Variants in PRKAR1B observed in about 807,000 individuals in gnomAD.
PRKAR1B encodes protein kinase cAMP-dependent type I regulatory subunit beta.
A neutral mutation model predicts 46.5 loss-of-function variants in PRKAR1B; 22 were observed. That is an observed-to-expected ratio of 0.47 (90% CI 0.34 to 0.68). The LOEUF (loss-of-function observed/expected upper bound fraction) is 0.68. Ranked by LOEUF, PRKAR1B falls within the 30% of genes least tolerant of loss-of-function variation. PRKAR1B has a pLI of 0.01. For synonymous variants in PRKAR1B, 259 were observed against 217.7 expected (o/e 1.19, Z -1.67); for missense variants, 445 against 535.6 (o/e 0.83, Z 1.67).
intron 2 of PRKAR1B, among the ~76,000 whole-genome samples, chr7:683,378 G>T (rs1202500307): frequency 6.6e-6 from 1 of 152,104 alleles, no homozygotes; most frequent in Non-Finnish European, 1.5e-5. Context: ...CTGAGAATTG[G>T]CCATTTAAAG....
chr7:561,125 GCA>G (rs1243563191), intron 9 of PRKAR1B, among the ~76,000 whole-genome samples: 2 of 147,516 alleles, frequency 1.4e-5, no homozygotes, highest in Non-Finnish European at 3.0e-5. Flanking sequence ...CCACACACAG[GCA>G]CACAAACACA....
intron 2 of PRKAR1B, among the ~76,000 whole-genome samples, chr7:709,327 GTGTGTGTATGCA>G (rs1291986637): frequency 2.0e-4 from 30 of 150,942 alleles, no homozygotes; most frequent in African/African-American, 4.4e-4. Context: ...ATGTATGTAT[GTGTGTGTATGCA>G]TGTGTGTATG....
intron 3 of PRKAR1B, 30 bp from the exon 4 acceptor site, chr7:677,350 A>G: frequency 1.2e-6 from 2 of 1,602,378 alleles, no homozygotes; most frequent in Non-Finnish European, 1.7e-6. Flanking sequence ...TCACCGTGTG[A>G]GCCACCCTGG....
intron 6 of PRKAR1B, among the ~76,000 whole-genome samples, chr7:599,715 C>T (rs574178081): frequency 2.0e-5 from 3 of 152,386 alleles, no homozygotes; most frequent in East Asian, 3.9e-4. Flanking sequence ...CACCTTCACT[C>T]GCTCACCCTC....
chr7:627,031 C>A (rs957620842), intron 4 of PRKAR1B, among the ~76,000 whole-genome samples: 1 of 152,176 alleles, frequency 6.6e-6, no homozygotes, highest in East Asian at 1.9e-4. Context: ...CCCGCCACCA[C>A]GCCCAACTAC....
chr7:727,205 C>G lies in PRKAR1B; in HGVS notation c.-23+5G>C. ...GACCTGTGCGGCGCCGCGCTCGCGC[C>G]CCACCTGGACGACGCTCTGCGCGCG... On this transcript the variant is annotated splice_donor_5th_base_variant and intron_variant, in intron 1 of 10. Coordinates refer to ENST00000537384, the MANE Select transcript of PRKAR1B (RefSeq NM_001164760.2). 7.4e-7 allele frequency: 1 copy of G among 1,348,582 alleles called. No homozygotes were observed. The highest frequency in any genetic ancestry group is 9.5e-7 in the Non-Finnish European group (1 of 1,048,252). The allele number at this position is 1,348,582 out of a possible 1,614,324, so 83.5% of individuals were successfully genotyped here.
chr7:600,929 C>T (rs1042452663), intron 6 of PRKAR1B, among the ~76,000 whole-genome samples: 1 of 152,218 alleles, frequency 6.6e-6, no homozygotes, highest in Non-Finnish European at 1.5e-5. Flanking sequence ...TGGCAACACA[C>T]GGACGGCAGC....
chr7:705,107 C>T (rs1356898884), intron 2 of PRKAR1B, among the ~76,000 whole-genome samples: 1 of 151,974 alleles, frequency 6.6e-6, no homozygotes, highest in African/African-American at 2.4e-5. Flanking sequence ...ACCTGGCCAA[C>T]ATGGTGAAAC....
At chr7:679,333 G>A (rs1778525514) in intron 3 of PRKAR1B, among the ~76,000 whole-genome samples, 2 of 152,136 alleles carry the variant, frequency 1.3e-5, no homozygotes, top group Non-Finnish European at 2.9e-5. Context: ...CTCCCCCGTG[G>A]CCTCCGGTCT....
At chr7:684,394 C>T (rs1427244715) in intron 2 of PRKAR1B, among the ~76,000 whole-genome samples, 1 of 152,206 alleles carries the variant, frequency 6.6e-6, no homozygotes, top group African/African-American at 2.4e-5. Flanking sequence ...TTCCCTCTAG[C>T]GACCTCTCGA....
At chr7:561,039 T>C (rs950333213) in intron 9 of PRKAR1B, among the ~76,000 whole-genome samples, 12 of 150,664 alleles carry the variant, frequency 8.0e-5, no homozygotes, top group Non-Finnish European at 1.3e-4. Flanking sequence ...CACACACACA[T>C]ACACACAGAT....
chr7:645,898 G>T (rs1034616476), intron 4 of PRKAR1B, among the ~76,000 whole-genome samples: 2 of 152,192 alleles, frequency 1.3e-5, no homozygotes, highest in Admixed American at 1.3e-4. Context: ...CCCCGATCTG[G>T]TCCCTGTTTT....
rs535537060 is a variant in PRKAR1B, at chr7:551,386, C to T, written c.973+3G>A. ...CGAGGGAGGGGACGCCCACTGGACT[C>T]ACCGAAGTAGTCAGAGGGTCCCAGG... On this transcript the variant is annotated splice_donor_region_variant and intron_variant, in intron 10 of 10. Coordinates refer to ENST00000537384, the MANE Select transcript of PRKAR1B (RefSeq NM_001164760.2). 2 of 1,555,424 alleles carry T rather than the reference C, an allele frequency of 1.3e-6. No individual in the cohort carries two copies. Among genetic ancestry groups the T allele is most frequent in the East Asian group, 2.4e-5 (1 of 42,102 alleles).
chr7:589,945 C>G (rs1353604846), intron 7 of PRKAR1B, among the ~76,000 whole-genome samples: 1 of 152,256 alleles, frequency 6.6e-6, no homozygotes, highest in Admixed American at 6.5e-5. Context: ...GCCCACGGCC[C>G]TGTGAGGGTC....
intron 9 of PRKAR1B, among the ~76,000 whole-genome samples, chr7:567,892 G>A (rs189233878): frequency 6.6e-6 from 1 of 152,190 alleles, no homozygotes; most frequent in Admixed American, 6.5e-5. Context: ...GGGGTGGGGA[G>A]TGTGTGTTTG....
intron 4 of PRKAR1B, among the ~76,000 whole-genome samples, chr7:656,899 G>T (rs1583367060): frequency 6.6e-6 from 1 of 150,554 alleles, no homozygotes. Flanking sequence ...ATGAGTGAAT[G>T]CATGGATGGA....
intron 9 of PRKAR1B, among the ~76,000 whole-genome samples, chr7:574,661 C>T (rs1434428957): frequency 6.6e-6 from 1 of 152,226 alleles, no homozygotes; most frequent in African/African-American, 2.4e-5. Context: ...CCAGGCTGAT[C>T]TTGAAGTCCT....
chr7:711,304 G>T (rs774291064), intron 2 of PRKAR1B, 25 bp downstream of exon 2: 1 of 1,613,100 alleles, frequency 6.2e-7, no homozygotes, highest in South Asian at 1.1e-5. Context: ...GCGAAGGGAA[G>T]CAGCGGGCGG....
chr7:651,841 G>A (rs1219374986), intron 4 of PRKAR1B, among the ~76,000 whole-genome samples: 56 of 43,054 alleles, frequency 1.3e-3, no homozygotes, highest in Admixed American at 2.2e-3. Flanking sequence ...ACACCCACAC[G>A]GAGCTAGGAA....
Sources: allele counts gnomAD v4.1 joint callset (sites outside exome capture counted in the v4.1 genomes callset), GRCh38; gene constraint gnomAD v4.1.1; transcripts MANE v1.5; gene names NCBI Gene and HGNC (gene_info 2026-07-23, HGNC 2026-07-21).